The following SSBP2 variants were observed in gnomAD, a reference collection of about 807,000 sequenced individuals.
SSBP2 encodes single stranded DNA binding protein 2.
A neutral mutation model predicts 61.8 loss-of-function variants in SSBP2; 17 were observed. That is an observed-to-expected ratio of 0.28 (90% CI 0.19 to 0.41). The LOEUF (loss-of-function observed/expected upper bound fraction) is 0.41. SSBP2 is among the 10% of genes least tolerant of loss of function. The pLI is 1.00. For missense variants in SSBP2, 310 were observed against 458.7 expected, an observed-to-expected ratio of 0.68 and a Z score of 2.96; for synonymous variants, 139 against 141.3, an observed-to-expected ratio of 0.98 and a Z score of 0.12.
intron 3 of SSBP2, among the ~76,000 whole-genome samples, chr5:81,631,666 C>G (rs1341667200): frequency 6.6e-6 from 1 of 152,088 alleles, no homozygotes; most frequent in Non-Finnish European, 1.5e-5. Context: ...TTCTCTGGGT[C>G]TACTTAGAAT....
intron 1 of SSBP2, among the ~76,000 whole-genome samples, chr5:81,733,068 G>C (rs549981511): frequency 6.6e-6 from 1 of 152,174 alleles, no homozygotes; most frequent in South Asian, 2.1e-4. Flanking sequence ...AAGATTTAAA[G>C]TTCTAAAATA....
intron 4 of SSBP2, among the ~76,000 whole-genome samples, chr5:81,541,680 C>T (rs1033413265): frequency 2.0e-5 from 3 of 152,176 alleles, no homozygotes; most frequent in Non-Finnish European, 2.9e-5. Context: ...AAAAGGACCC[C>T]TATTCAATAA....
intron 1 of SSBP2, among the ~76,000 whole-genome samples, chr5:81,728,795 A>G (rs568874673): frequency 7.4e-4 from 112 of 152,378 alleles, no homozygotes; most frequent in Middle Eastern, 6.8e-3. Flanking sequence ...CAATTAACAA[A>G]TTAGTGGGTA....
intron 3 of SSBP2, among the ~76,000 whole-genome samples, chr5:81,633,121 T>TC (rs1747882636): frequency 7.2e-6 from 1 of 139,020 alleles, no homozygotes; most frequent in South Asian, 2.5e-4. Flanking sequence ...TTTTTTTTTT[T>TC]TTTTTTTTTT....
intron 15 of SSBP2, among the ~76,000 whole-genome samples, chr5:81,435,704 A>G (rs1055019774): frequency 1.3e-5 from 2 of 152,190 alleles, no homozygotes; most frequent in Admixed American, 1.3e-4. Context: ...AATTTTGTTT[A>G]TATCTATCTT....
chr5:81,713,212 G>A (rs990146595), intron 1 of SSBP2, among the ~76,000 whole-genome samples: 1 of 151,898 alleles, frequency 6.6e-6, no homozygotes, highest in African/African-American at 2.4e-5. Flanking sequence ...TGCAGTACCA[G>A]GTACCTCTGG....
At chr5:81,599,921 T>C (rs1433624971) in intron 4 of SSBP2, among the ~76,000 whole-genome samples, 2 of 152,214 alleles carry the variant, frequency 1.3e-5, no homozygotes, top group African/African-American at 4.8e-5. Flanking sequence ...CACAATATGC[T>C]GTGTTTTTAT....
chr5:81,460,301 C>A (rs1032018669), intron 10 of SSBP2, among the ~76,000 whole-genome samples: 1 of 152,190 alleles, frequency 6.6e-6, no homozygotes, highest in African/African-American at 2.4e-5. Flanking sequence ...ACCCGGGAAC[C>A]TTTGTGCAGT....
At chr5:81,531,280 A>C (rs1310662181) in intron 4 of SSBP2, among the ~76,000 whole-genome samples, 1 of 151,804 alleles carries the variant, frequency 6.6e-6, no homozygotes, top group African/African-American at 2.4e-5. Context: ...CAACTGGAAG[A>C]TTAAAAATCT....
chr5:81,638,235 C>G (rs1285789294), intron 2 of SSBP2, among the ~76,000 whole-genome samples: 1 of 148,446 alleles, frequency 6.7e-6, no homozygotes, highest in Non-Finnish European at 1.5e-5. Flanking sequence ...CACATGTACC[C>G]TAAAACTTAA....
chr5:81,501,264 TATATACAC>T lies in SSBP2; in HGVS notation c.373-11963_373-11956del, dbSNP rs1410049101. On this transcript the variant is annotated intron_variant, in intron 5 of 16. Coordinates refer to ENST00000320672, the MANE Select transcript of SSBP2 (RefSeq NM_012446.5). ...ATATATATATATATATATATATATA[TATATACAC>T]ACACACACACATGCACATACACCCA... Among the ~76,000 whole-genome samples the T allele has an allele frequency of 9.0e-3, 382 of 42,406 alleles. 33 individuals are homozygous for T. Among genetic ancestry groups the T allele is most frequent in the African/African-American group, 0.021 (148 of 7,064 alleles). The allele number at this position is 42,406 out of a possible 152,430, so 27.8% of individuals were successfully genotyped here. A position where few individuals can be genotyped will look rare whatever the true frequency, so the allele number is the denominator to read the frequency against.
intron 1 of SSBP2, among the ~76,000 whole-genome samples, chr5:81,681,274 C>T (rs537605528): frequency 5.9e-5 from 9 of 152,118 alleles, no homozygotes; most frequent in East Asian, 3.9e-4. Flanking sequence ...AATCCCAGCA[C>T]TTTGGGAGAC....
intron 1 of SSBP2, among the ~76,000 whole-genome samples, chr5:81,669,584 T>C (rs116431829): frequency 2.0e-5 from 3 of 152,020 alleles, no homozygotes; most frequent in African/African-American, 7.3e-5. Flanking sequence ...TTCTCACTCA[T>C]AACTGGGAGC....
At chr5:81,501,212 AATATATATATATATATATATATATATAT>A (rs1167504052) in intron 5 of SSBP2, among the ~76,000 whole-genome samples, 780 of 28,834 alleles carry the variant, frequency 0.027, 99 homozygotes, top group East Asian at 0.15. Context: ...CTCCATCTCA[AATATATATATATATATATATATATATAT>A]ATATATATAT....
At chr5:81,505,969 C>T (rs113701590) in intron 5 of SSBP2, among the ~76,000 whole-genome samples, 120 of 152,314 alleles carry the variant, frequency 7.9e-4, no homozygotes, top group African/African-American at 2.7e-3. Context: ...TCTTTGCTCT[C>T]TGTCCATCCA....
At chr5:81,511,899 C>T (rs544227436) in intron 5 of SSBP2, among the ~76,000 whole-genome samples, 2 of 152,228 alleles carry the variant, frequency 1.3e-5, no homozygotes, top group South Asian at 2.1e-4. Context: ...CTAACGGTTT[C>T]AATTACTCTT....
chr5:81,610,280 C>A (rs1745321224), intron 4 of SSBP2, among the ~76,000 whole-genome samples: 1 of 152,160 alleles, frequency 6.6e-6, no homozygotes, highest in African/African-American at 2.4e-5. Context: ...GAAGAATGAT[C>A]CTAAATTATG....
chr5:81,659,411 TCACAA>T (rs1750496626), intron 1 of SSBP2, among the ~76,000 whole-genome samples: 1 of 152,018 alleles, frequency 6.6e-6, no homozygotes, highest in Non-Finnish European at 1.5e-5. Flanking sequence ...GAACTCCCAT[TCACAA>T]CTGCTACAAA....
At chr5:81,460,163 T>C (rs1283699025) in intron 10 of SSBP2, among the ~76,000 whole-genome samples, 3 of 152,202 alleles carry the variant, frequency 2.0e-5, no homozygotes, top group Non-Finnish European at 4.4e-5. Context: ...TCATTTAACA[T>C]TAAGGCCACT....
Sources: allele counts gnomAD v4.1 joint callset (sites outside exome capture counted in the v4.1 genomes callset), GRCh38; gene constraint gnomAD v4.1.1; transcripts MANE v1.5; gene names NCBI Gene and HGNC (gene_info 2026-07-23, HGNC 2026-07-21).